Variants in GABRG3 observed in about 807,000 individuals in gnomAD.
GABRG3 encodes gamma-aminobutyric acid receptor subunit gamma-3.
A neutral mutation model predicts 48.8 loss-of-function variants in GABRG3; 25 were observed. The observed-to-expected ratio is 0.51, with a 90% CI of 0.37 to 0.72. The LOEUF (loss-of-function observed/expected upper bound fraction) is 0.72. Ranked by LOEUF, GABRG3 falls within the 30% of genes least tolerant of loss-of-function variation. The pLI is 0.00. For synonymous variants in GABRG3, 227 were observed against 217.6 expected (o/e 1.04, Z -0.38); for missense variants, 394 against 577.9 (o/e 0.68, Z 3.26).
intron 3 of GABRG3, among the ~76,000 whole-genome samples, chr15:27,144,468 C>G (rs970224524): frequency 6.0e-5 from 9 of 151,128 alleles, no homozygotes; most frequent in Non-Finnish European, 1.3e-4. Flanking sequence ...CAGAGCTCTC[C>G]CAGTAGAAAT....
intron 3 of GABRG3, among the ~76,000 whole-genome samples, chr15:27,273,861 A>G (rs190611575): frequency 3.7e-4 from 56 of 152,330 alleles, no homozygotes; most frequent in African/African-American, 1.3e-3. Flanking sequence ...AGCTTAAAAC[A>G]ACAAATGGGA....
chr15:27,270,919 G>A (rs1394644734), intron 3 of GABRG3, among the ~76,000 whole-genome samples: 6 of 152,270 alleles, frequency 3.9e-5, no homozygotes, highest in Non-Finnish European at 8.8e-5. Context: ...CACTATCCAG[G>A]ACCAAACATT....
chr15:27,096,697 T>A (rs1897270010), intron 3 of GABRG3, among the ~76,000 whole-genome samples: 1 of 152,236 alleles, frequency 6.6e-6, no homozygotes, highest in Admixed American at 6.5e-5. Context: ...AAATTCATAC[T>A]GGGTCAGAAA....
chr15:27,307,860 AATAT>A lies in GABRG3; in HGVS notation c.271-18943_271-18940del, dbSNP rs571671114. On this transcript the variant is annotated intron_variant, in intron 3 of 9. Transcript: ENST00000615808. ...TATAAAATAAACATGTTTATATATA[AATAT>A]ATATAAATGTATATGTTTATATATA... 3.9e-4 allele frequency among the ~76,000 whole-genome samples: 53 copies of A among 134,578 alleles called. 2 individuals are homozygous for A. In the East Asian group the frequency reaches 6.6e-3, roughly 17 times the overall value. The allele number at this position is 134,578 out of a possible 152,430, so 88.3% of individuals were successfully genotyped here. A position where few individuals can be genotyped will look rare whatever the true frequency, so the allele number is the denominator to read the frequency against.
chr15:27,153,139 G>A (rs1898352540), intron 3 of GABRG3, among the ~76,000 whole-genome samples: 2 of 152,242 alleles, frequency 1.3e-5, no homozygotes, highest in Admixed American at 1.3e-4. Flanking sequence ...GGGATTACAG[G>A]CGTGAGCCAC....
At chr15:27,472,864 TAACAC>T (rs1889827660) in intron 5 of GABRG3, among the ~76,000 whole-genome samples, 1 of 152,184 alleles carries the variant, frequency 6.6e-6, no homozygotes, top group South Asian at 2.1e-4. Context: ...TCAGTGTTCT[TAACAC>T]AAACATACAC....
chr15:27,091,056 T>C (rs573720796), intron 3 of GABRG3, among the ~76,000 whole-genome samples: 3 of 152,366 alleles, frequency 2.0e-5, no homozygotes, highest in South Asian at 4.1e-4. Flanking sequence ...AAAGAGGGCA[T>C]ACTTGTCTCG....
intron 3 of GABRG3, among the ~76,000 whole-genome samples, chr15:27,221,488 A>C (rs1331609354): frequency 2.6e-5 from 4 of 152,160 alleles, no homozygotes; most frequent in African/African-American, 9.7e-5. Context: ...ATGGGTGCTA[A>C]TTTTTAGTTT....
intron 9 of GABRG3, among the ~76,000 whole-genome samples, chr15:27,531,688 A>G (rs1406053710): frequency 1.3e-5 from 2 of 152,248 alleles, no homozygotes; most frequent in Admixed American, 1.3e-4. Flanking sequence ...TTAGAAACGT[A>G]TCCCCTTAAC....
intron 3 of GABRG3, among the ~76,000 whole-genome samples, chr15:27,109,732 A>G (rs1041940349): frequency 2.6e-5 from 4 of 152,148 alleles, no homozygotes; most frequent in Admixed American, 6.5e-5. Context: ...AAGTACAACA[A>G]TTAGCCGGAT....
chr15:27,481,532 A>T (rs1199183579), intron 6 of GABRG3, among the ~76,000 whole-genome samples: 4 of 152,130 alleles, frequency 2.6e-5, no homozygotes, highest in Non-Finnish European at 5.9e-5. Context: ...GGGTCTTCAA[A>T]TTATCTAATA....
At chr15:27,396,527 A>G (rs1296391929) in intron 5 of GABRG3, among the ~76,000 whole-genome samples, 2 of 152,228 alleles carry the variant, frequency 1.3e-5, no homozygotes, top group African/African-American at 4.8e-5. Context: ...GGAACAACTG[A>G]GCTCTTACAC....
chr15:27,340,296 G>A (rs1008375063), intron 5 of GABRG3, among the ~76,000 whole-genome samples: 4 of 152,106 alleles, frequency 2.6e-5, no homozygotes, highest in Non-Finnish European at 5.9e-5. Flanking sequence ...GGGAAAGAAA[G>A]TGCAGTTGTG....
At chr15:27,204,586 G>A (rs1041811411) in intron 3 of GABRG3, among the ~76,000 whole-genome samples, 1 of 152,034 alleles carries the variant, frequency 6.6e-6, no homozygotes, top group African/African-American at 2.4e-5. Flanking sequence ...AATGTTATTG[G>A]TAGTTTGATA....
chr15:27,054,173 A>G (rs562473448), intron 3 of GABRG3, among the ~76,000 whole-genome samples: 72 of 151,640 alleles, frequency 4.7e-4, no homozygotes, highest in African/African-American at 1.7e-3. Context: ...CGGGAGGCGG[A>G]GGTTGCAGTG....
At chr15:27,045,952 A>G (rs1202519727) in intron 3 of GABRG3, among the ~76,000 whole-genome samples, 2 of 152,114 alleles carry the variant, frequency 1.3e-5, no homozygotes, top group Non-Finnish European at 2.9e-5. Context: ...TGGTGATACT[A>G]ATTATGTTTG....
intron 3 of GABRG3, among the ~76,000 whole-genome samples, chr15:27,200,950 T>C (rs992395666): frequency 6.6e-6 from 1 of 152,090 alleles, no homozygotes; most frequent in Admixed American, 6.5e-5. Context: ...CCATACTTCA[T>C]GAGACACAAA....
At chr15:27,065,310 G>T (rs1896719023) in intron 3 of GABRG3, among the ~76,000 whole-genome samples, 3 of 152,340 alleles carry the variant, frequency 2.0e-5, no homozygotes, top group East Asian at 1.9e-4. Context: ...CTGTGCTGGG[G>T]ATTCAGCAAA....
intron 3 of GABRG3, among the ~76,000 whole-genome samples, chr15:27,102,611 G>A (rs1390151319): frequency 6.6e-6 from 1 of 152,160 alleles, no homozygotes; most frequent in Non-Finnish European, 1.5e-5. Context: ...ATCTTTGGCT[G>A]AAGATTATTC....
Sources: gnomAD v4.1 joint callset for allele counts (sites outside exome capture counted in the v4.1 genomes callset) on GRCh38, gnomAD v4.1.1 for gene constraint, MANE v1.5 for transcripts, NCBI Gene and HGNC (gene_info 2026-07-23, HGNC 2026-07-21) for gene names.